Variants in PDZD2 observed in about 807,000 individuals in gnomAD.
The protein encoded by PDZD2 is PDZ domain-containing protein 2.
In PDZD2, 90 loss-of-function variants were observed where a neutral mutation model predicts 220.7. That is an observed-to-expected ratio of 0.41 (90% CI 0.34 to 0.49). The LOEUF (loss-of-function observed/expected upper bound fraction) is 0.49. Ranked by LOEUF, PDZD2 falls within the 20% of genes least tolerant of loss-of-function variation. The probability of loss-of-function intolerance (pLI) is 0.28; values close to 1 mark genes in which losing one functional copy is unlikely to be tolerated. For synonymous variants in PDZD2, 1,375 were observed against 1,450.5 expected (o/e 0.95, Z 1.18); for missense variants, 3,174 against 3,608.5 (o/e 0.88, Z 3.08).
At chr5:31,850,404 G>A (rs79146161) in intron 2 of PDZD2, among the ~76,000 whole-genome samples, 12,308 of 151,150 alleles carry the variant, frequency 0.081, 616 homozygotes, top group Middle Eastern at 0.15. Context: ...GGGAACACAG[G>A]GGTTCAGGAT....
intron 2 of PDZD2, among the ~76,000 whole-genome samples, chr5:31,973,509 A>C (rs966616966): frequency 2.6e-5 from 4 of 152,228 alleles, no homozygotes; most frequent in African/African-American, 7.2e-5. Flanking sequence ...TTCAGCACAG[A>C]GGGATATTGC....
At chr5:31,892,990 G>A (rs1304500898) in intron 2 of PDZD2, among the ~76,000 whole-genome samples, 1 of 152,220 alleles carries the variant, frequency 6.6e-6, no homozygotes, top group East Asian at 1.9e-4. Context: ...GAGGAGCAAT[G>A]GAGAGGGCAA....
At chr5:32,035,797 G>C (rs1220929559) in intron 6 of PDZD2, among the ~76,000 whole-genome samples, 1 of 152,186 alleles carries the variant, frequency 6.6e-6, no homozygotes, top group African/African-American at 2.4e-5. Flanking sequence ...GGACCAGGTT[G>C]ATTTCTCCCA....
intron 2 of PDZD2, among the ~76,000 whole-genome samples, chr5:31,887,386 A>C (rs1384897136): frequency 6.6e-6 from 1 of 152,172 alleles, no homozygotes; most frequent in Admixed American, 6.6e-5. Context: ...CCTCTCTGGA[A>C]GGACTTTGGG....
chr5:32,046,495 G>A (rs930427649), intron 7 of PDZD2, among the ~76,000 whole-genome samples: 5 of 151,940 alleles, frequency 3.3e-5, no homozygotes, highest in East Asian at 3.9e-4. Context: ...GGCCCACCTC[G>A]GCCTCTCAAA....
At chr5:31,763,870 T>TTAAAAAAAAAAAAAAA in intron 1 of PDZD2, among the ~76,000 whole-genome samples, 1 of 137,536 alleles carries the variant, frequency 7.3e-6, no homozygotes, top group African/African-American at 2.7e-5. Flanking sequence ...GCCCTCTGAT[T>TTAAAAAAAAAAAAAAA]AAAAAAAAAA....
At chr5:31,993,542 A>G (rs1032712857) in intron 3 of PDZD2, among the ~76,000 whole-genome samples, 1 of 152,210 alleles carries the variant, frequency 6.6e-6, no homozygotes, top group East Asian at 1.9e-4. Flanking sequence ...TCTAAATGCC[A>G]CACATTCTTT....
At chr5:31,882,501 T>G (rs1177746253) in intron 2 of PDZD2, among the ~76,000 whole-genome samples, 1 of 152,228 alleles carries the variant, frequency 6.6e-6, no homozygotes, top group Non-Finnish European at 1.5e-5. Context: ...TTGCTCTCAC[T>G]TATTCCATGT....
chr5:31,998,668 T>C (rs747799724), intron 4 of PDZD2, among the ~76,000 whole-genome samples: 35 of 152,184 alleles, frequency 2.3e-4, no homozygotes, highest in Non-Finnish European at 7.3e-5. Context: ...CTGGGCCACA[T>C]TGGAAGAGGA....
intron 2 of PDZD2, among the ~76,000 whole-genome samples, chr5:31,837,526 C>G (rs1757017164): frequency 6.6e-6 from 1 of 152,114 alleles, no homozygotes; most frequent in South Asian, 2.1e-4. Flanking sequence ...AGTTTGAGAC[C>G]AGCCTGGCCA....
intron 1 of PDZD2, among the ~76,000 whole-genome samples, chr5:31,727,961 C>G (rs565910171): frequency 6.8e-6 from 1 of 146,764 alleles, no homozygotes; most frequent in East Asian, 2.0e-4. Context: ...CAAGATCGCA[C>G]CACTGCACTC....
At chr5:31,961,853 A>G (rs1748262790) in intron 2 of PDZD2, among the ~76,000 whole-genome samples, 1 of 152,214 alleles carries the variant, frequency 6.6e-6, no homozygotes, top group Admixed American at 6.5e-5. Context: ...TATGTTGGCT[A>G]GGCTGCGCCC....
chr5:31,881,354 G>A (rs1739893206), intron 2 of PDZD2, among the ~76,000 whole-genome samples: 3 of 139,248 alleles, frequency 2.2e-5, no homozygotes, highest in African/African-American at 8.9e-5. Context: ...GTGTGTGTGT[G>A]TGTGTGTGTG....
chr5:32,058,435 G>A (rs923798948), intron 12 of PDZD2, among the ~76,000 whole-genome samples: 15 of 151,266 alleles, frequency 9.9e-5, no homozygotes, highest in African/African-American at 2.9e-4. Flanking sequence ...TTGGGAAGCC[G>A]AGGCAGGTAG....
intron 1 of PDZD2, among the ~76,000 whole-genome samples, chr5:31,719,004 C>T (rs980230599): frequency 2.0e-4 from 31 of 152,042 alleles, no homozygotes; most frequent in African/African-American, 5.6e-4. Context: ...CCTGCCTAAC[C>T]GCCTCATGTT....
chr5:31,661,803 T>C (rs376721245), intron 1 of PDZD2, among the ~76,000 whole-genome samples: 2 of 128,036 alleles, frequency 1.6e-5, no homozygotes, highest in Admixed American at 8.2e-5. Context: ...TTTTTTTCTT[T>C]TTTTTTCATC....
At chr5:31,862,690 A>C (rs1243301392) in intron 2 of PDZD2, among the ~76,000 whole-genome samples, 18 of 150,430 alleles carry the variant, frequency 1.2e-4, no homozygotes, top group Admixed American at 1.2e-3. Flanking sequence ...CCTCCATAGT[A>C]GCTGGGATTA....
At chr5:31,961,668 G>A (rs746942454) in intron 2 of PDZD2, among the ~76,000 whole-genome samples, 8 of 152,022 alleles carry the variant, frequency 5.3e-5, no homozygotes, top group African/African-American at 1.7e-4. Flanking sequence ...TTTTTGAGAC[G>A]ATGTCTTGCT....
At chr5:31,728,021 A>AAAAT (rs1491491861) in intron 1 of PDZD2, among the ~76,000 whole-genome samples, 7 of 148,412 alleles carry the variant, frequency 4.7e-5, no homozygotes, top group African/African-American at 1.7e-4. Context: ...AAAAAAAAAA[A>AAAAT]GATCAGGCAG....
Sources: allele counts gnomAD v4.1 joint callset (sites outside exome capture counted in the v4.1 genomes callset), GRCh38; gene constraint gnomAD v4.1.1; transcripts MANE v1.5; gene names NCBI Gene and HGNC (gene_info 2026-07-23, HGNC 2026-07-21).